Variants in SLC25A16 observed in about 807,000 individuals in gnomAD.
The protein encoded by SLC25A16 is solute carrier family 25 member 16, also known as mitochondrial coenzyme A transporter SLC25A16.
SLC25A16 carries 39 observed loss-of-function variants against 41.5 expected under a neutral mutation model. That is an observed-to-expected ratio of 0.94 (90% CI 0.73 to 1.23). SLC25A16 has a LOEUF of 1.23. SLC25A16 is among the 50% of genes most tolerant of loss of function. SLC25A16 has a pLI of 0.00. For synonymous variants in SLC25A16, 146 were observed against 147.8 expected (o/e 0.99, Z 0.09); for missense variants, 421 against 426.9 (o/e 0.99, Z 0.12).
At position 68,487,526 on chromosome 10, in the gene SLC25A16, T is replaced by C. The variant is rs1211028195; in HGVS notation, c.774-314A>G. Among the ~76,000 whole-genome samples the C allele has an allele frequency of 2.6e-5, 4 of 152,190 alleles. No homozygotes were observed. The East Asian group carries it at 7.7e-4, about 29-fold the overall frequency. ...GTTGCTTTTCATTGTTGAACACTAA[T>C]ATACAGTTTCCAACACTGGCACTAC... On this transcript the variant is annotated intron_variant, in intron 7 of 8. Coordinates refer to ENST00000609923, the MANE Select transcript of SLC25A16 (RefSeq NM_152707.4).
intron 2 of SLC25A16, among the ~76,000 whole-genome samples, chr10:68,516,012 T>C (rs893119248): frequency 6.6e-6 from 1 of 152,122 alleles, no homozygotes; most frequent in African/African-American, 2.4e-5. Flanking sequence ...AAATATATTC[T>C]TTGGAAAATT....
chr10:68,523,415 T>C (rs550970306), intron 1 of SLC25A16, among the ~76,000 whole-genome samples: 1 of 152,220 alleles, frequency 6.6e-6, no homozygotes, highest in African/African-American at 2.4e-5. Flanking sequence ...TTCTCTGATT[T>C]ATACCAAGCA....
At position 68,485,177 on chromosome 10, in the gene SLC25A16, T is replaced by C. The variant is rs534416199; in HGVS notation, c.843-1589A>G. Among the ~76,000 whole-genome samples the C allele has an allele frequency of 5.5e-3, 827 of 151,590 alleles. 5 individuals carry two copies. Among genetic ancestry groups the C allele is most frequent in the Non-Finnish European group, 9.3e-3 (634 of 67,862 alleles). The stretch of plus-strand genomic sequence containing the variant: ...CGATCTCGGCTCACTGCAACCTCCG[T>C]CTCCTGGGCTCAAGTGATTCTTGTG... On this transcript the variant is annotated intron_variant, in intron 8 of 8. Transcript: ENST00000609923.
At chr10:68,514,201 T>G (rs984518378) in intron 2 of SLC25A16, among the ~76,000 whole-genome samples, 1 of 151,718 alleles carries the variant, frequency 6.6e-6, no homozygotes, top group Admixed American at 6.6e-5. Flanking sequence ...TCTCAAAAAA[T>G]AGTAATAATA....
At chr10:68,498,135 G>A (rs897962456) in intron 4 of SLC25A16, among the ~76,000 whole-genome samples, 5 of 151,958 alleles carry the variant, frequency 3.3e-5, no homozygotes, top group Admixed American at 2.0e-4. Flanking sequence ...GCATCATGCC[G>A]CTCCCCCACT....
chr10:68,498,271 T>C (rs145570796), intron 4 of SLC25A16, among the ~76,000 whole-genome samples: 71 of 152,292 alleles, frequency 4.7e-4, no homozygotes, highest in Non-Finnish European at 9.1e-4. Context: ...CTTGTTGCTT[T>C]TGAATTCTGG....
At chr10:68,484,412 C>A (rs190492802) in intron 8 of SLC25A16, among the ~76,000 whole-genome samples, 41 of 147,106 alleles carry the variant, frequency 2.8e-4, no homozygotes, top group African/African-American at 1.0e-3. Flanking sequence ...GGACCGAAAT[C>A]TTTTCAAAAA....
At chr10:68,483,807 C>A (rs1478459414) in intron 8 of SLC25A16, among the ~76,000 whole-genome samples, 3 of 152,040 alleles carry the variant, frequency 2.0e-5, no homozygotes, top group Non-Finnish European at 2.9e-5. Context: ...GGATTACAGG[C>A]ACGCGCCACC....
rs1399714033 is a variant in SLC25A16, at chr10:68,517,120, T to C, written c.131-277A>G. On this transcript the variant is annotated intron_variant, in intron 1 of 8. Transcript: ENST00000609923. ...TGGGAATCTTGCTAAAATGTGGTTATGGAGACAGACACTTCAAGGTATTAA... is the reference window on the plus strand; with the variant it reads ...TGGGAATCTTGCTAAAATGTGGTTACGGAGACAGACACTTCAAGGTATTAA... The C allele has an allele frequency of 9.0e-6, 10 of 1,109,978 alleles. No homozygotes were observed. The South Asian group carries it at 1.7e-4, about 19-fold the overall frequency. The allele number at this position is 1,109,978 out of a possible 1,614,324, so 68.8% of individuals were successfully genotyped here.
intron 1 of SLC25A16, chr10:68,518,338 A>T (rs1055598677): frequency 3.3e-5 from 5 of 151,898 alleles, no homozygotes; most frequent in African/African-American, 1.2e-4. Flanking sequence ...GAATCTCTTG[A>T]ACCCAAAAGG....
intron 3 of SLC25A16, 74 bp from the exon 4 acceptor site, chr10:68,503,769 T>C: frequency 1.1e-6 from 1 of 925,232 alleles, no homozygotes; most frequent in South Asian, 1.4e-5. Flanking sequence ...ATAATGAAGA[T>C]TTATTTCAAG....
chr10:68,496,085 C>G (rs1483116248), intron 4 of SLC25A16, among the ~76,000 whole-genome samples: 2 of 152,148 alleles, frequency 1.3e-5, no homozygotes, highest in East Asian at 3.8e-4. Flanking sequence ...GTTACCCTTT[C>G]CTTTGAGAAT....
intron 7 of SLC25A16, among the ~76,000 whole-genome samples, chr10:68,487,494 C>A (rs1215975030): frequency 6.6e-6 from 1 of 152,162 alleles, no homozygotes; most frequent in East Asian, 1.9e-4. Context: ...CCTGAAGAAA[C>A]AAACTGGTTG....
At position 68,497,073 on chromosome 10, in the gene SLC25A16, T is replaced by C. The variant is rs368527169; in HGVS notation, c.422-3503A>G. Among the ~76,000 whole-genome samples, 9 of 152,324 alleles carry C rather than the reference T, an allele frequency of 5.9e-5. No homozygotes were observed. In the East Asian group the frequency reaches 1.2e-3, roughly 20 times the overall value. ...AATTGCATAATACAGGGTTGAAGTATATGGACATTTACAGACCCTCATCAA... is the reference window on the plus strand; with the variant it reads ...AATTGCATAATACAGGGTTGAAGTACATGGACATTTACAGACCCTCATCAA... On this transcript the variant is annotated intron_variant, in intron 4 of 8. Coordinates refer to ENST00000609923, the MANE Select transcript of SLC25A16 (RefSeq NM_152707.4).
In SLC25A16 at chr10:68,483,421, A is replaced by T. The variant is rs752493008; in HGVS notation, c.*11T>A. ...GAGAATGTATTAAGAAAAACCAACC[A>T]TAATTTTTTTTTAGTTGAGGTGAAA... On this transcript the variant is annotated 3_prime_UTR_variant, in exon 9 of 9. Transcript: ENST00000609923. 1 of 1,553,668 alleles carries T rather than the reference A, an allele frequency of 6.4e-7. No homozygotes were observed. The highest frequency in any genetic ancestry group is 1.4e-5 in the African/African-American group (1 of 73,154).
At chr10:68,487,306 G>A (rs1314678234) in intron 7 of SLC25A16, 94 bp from the exon 8 acceptor site, 4 of 858,156 alleles carry the variant, frequency 4.7e-6, no homozygotes, top group African/African-American at 1.7e-5. Context: ...AAGAAATAAC[G>A]TGTTACTGCT....
At chr10:68,520,051 A>T (rs1169455452) in intron 1 of SLC25A16, among the ~76,000 whole-genome samples, 2 of 146,826 alleles carry the variant, frequency 1.4e-5, no homozygotes, top group African/African-American at 5.0e-5. Flanking sequence ...CCCAGGTTCA[A>T]GCGATTCTCC....
At chr10:68,493,299 T>A in intron 5 of SLC25A16, 101 bp from the exon 6 acceptor site, 1 of 1,108,716 alleles carries the variant, frequency 9.0e-7, no homozygotes, top group Non-Finnish European at 1.3e-6. Flanking sequence ...TATTCAGGGA[T>A]CCACCCTGAA....
chr10:68,498,034 T>C (rs117597063), intron 4 of SLC25A16, among the ~76,000 whole-genome samples: 62 of 152,252 alleles, frequency 4.1e-4, no homozygotes, highest in Non-Finnish European at 6.5e-4. Flanking sequence ...GTATATGCCT[T>C]TTGTGCAGGA....
Sources: allele counts gnomAD v4.1 joint callset (sites outside exome capture counted in the v4.1 genomes callset), GRCh38; gene constraint gnomAD v4.1.1; transcripts MANE v1.5; gene names NCBI Gene and HGNC (gene_info 2026-07-23, HGNC 2026-07-21).